The following SMYD3 variants were observed in gnomAD, a reference collection of about 807,000 sequenced individuals.
SMYD3 encodes histone-lysine N-methyltransferase SMYD3.
Under a neutral mutation model 57.7 loss-of-function variants are expected in SMYD3, and 36 were observed. That is an observed-to-expected ratio of 0.62 (90% CI 0.48 to 0.82). The LOEUF (loss-of-function observed/expected upper bound fraction) is 0.82, where lower values mean the gene tolerates loss of function less well. Ranked by LOEUF, SMYD3 falls within the 40% of genes least tolerant of loss-of-function variation. The probability of loss-of-function intolerance (pLI) is 0.00; values close to 1 mark genes in which losing one functional copy is unlikely to be tolerated. For synonymous variants in SMYD3, 211 were observed against 195.0 expected (o/e 1.08, Z -0.68); for missense variants, 515 against 538.8 (o/e 0.96, Z 0.44).
intron 8 of SMYD3, among the ~76,000 whole-genome samples, chr1:245,895,417 T>C (rs992419754): frequency 1.3e-5 from 2 of 152,176 alleles, no homozygotes; most frequent in South Asian, 4.1e-4. Flanking sequence ...ATTGTTAAAA[T>C]TGAGAACAAC....
At chr1:245,968,939 T>C (rs1421827687) in intron 5 of SMYD3, among the ~76,000 whole-genome samples, 2 of 152,182 alleles carry the variant, frequency 1.3e-5, no homozygotes, top group African/African-American at 4.8e-5. Flanking sequence ...CTTCCTATCA[T>C]TGATAATATT....
rs2052409487 is a variant in SMYD3 at position 245,874,932 on chromosome 1, CCA to C, written c.814-11048_814-11047del. ...AAAGTTTGGGAGGAGAGAGGGGTGA[CCA>C]GATTCCATGGTACAGCTCTTTTGTG... On this transcript the variant is annotated intron_variant, in intron 8 of 11. Coordinates refer to ENST00000490107, the MANE Select transcript of SMYD3 (RefSeq NM_001167740.2). Among the ~76,000 whole-genome samples, 3 of 152,136 alleles carry C rather than the reference CCA, an allele frequency of 2.0e-5. 1 individual carries two copies. Among genetic ancestry groups the C allele is most frequent in the African/African-American group, 7.2e-5 (3 of 41,434 alleles).
intron 1 of SMYD3, among the ~76,000 whole-genome samples, chr1:246,375,139 A>G (rs1010021624): frequency 6.6e-6 from 1 of 152,166 alleles, no homozygotes; most frequent in Non-Finnish European, 1.5e-5. Context: ...AGAAACACAT[A>G]ATAAAACAAG....
Position 246,174,493 on chromosome 1 carries a change from T to C in SMYD3, c.531+152708A>G, listed in dbSNP as rs996352608. Among the ~76,000 whole-genome samples the C allele has an allele frequency of 4.6e-5, 7 of 152,274 alleles. 1 individual carries two copies. The highest frequency in any genetic ancestry group is 7.2e-5 in the African/African-American group (3 of 41,562). ...ACCAGGTCTGGCCCTGTCGCCCAGGTTGGAGTGCAGTGGCACAATTAAAGC... is the reference window on the plus strand; with the variant it reads ...ACCAGGTCTGGCCCTGTCGCCCAGGCTGGAGTGCAGTGGCACAATTAAAGC... On this transcript the variant is annotated intron_variant, in intron 5 of 11. Coordinates refer to ENST00000490107, the MANE Select transcript of SMYD3 (RefSeq NM_001167740.2).
chr1:245,756,123 C>CAT (rs565119216), intron 11 of SMYD3, among the ~76,000 whole-genome samples: 1 of 148,204 alleles, frequency 6.7e-6, no homozygotes, highest in Non-Finnish European at 1.5e-5. Context: ...TATACACACA[C>CAT]ATATATATGT....
intron 8 of SMYD3, among the ~76,000 whole-genome samples, chr1:245,911,707 T>C (rs1305914599): frequency 3.3e-5 from 5 of 152,002 alleles, no homozygotes; most frequent in Admixed American, 3.3e-4. Flanking sequence ...AGATAGTGAA[T>C]ACAATAGTGG....
chr1:246,329,757 T>C (rs2065428251), intron 4 of SMYD3, among the ~76,000 whole-genome samples: 1 of 152,152 alleles, frequency 6.6e-6, no homozygotes, highest in African/African-American at 2.4e-5. Flanking sequence ...AATAATTTAT[T>C]ACCATGGGAA....
chr1:245,826,869 C>T (rs982295233), intron 10 of SMYD3, among the ~76,000 whole-genome samples: 1 of 152,154 alleles, frequency 6.6e-6, no homozygotes, highest in Non-Finnish European at 1.5e-5. Context: ...CACTCACTAT[C>T]ATGAGAAGAG....
chr1:245,943,172 C>CAAAA (rs61600738), intron 5 of SMYD3, among the ~76,000 whole-genome samples: 3 of 108,968 alleles, frequency 2.8e-5, no homozygotes, highest in African/African-American at 7.5e-5. Flanking sequence ...ACACACTTTC[C>CAAAA]AAAAAAAAAA....
intron 1 of SMYD3, among the ~76,000 whole-genome samples, chr1:246,371,850 G>T (rs1361730635): frequency 1.3e-5 from 2 of 151,856 alleles, no homozygotes; most frequent in African/African-American, 4.8e-5. Context: ...GGAGTCGTTT[G>T]TTCATTTAAG....
intron 8 of SMYD3, among the ~76,000 whole-genome samples, chr1:245,884,201 C>T (rs1345747851): frequency 6.6e-6 from 1 of 152,100 alleles, no homozygotes; most frequent in Non-Finnish European, 1.5e-5. Context: ...CTATTTCTCC[C>T]AATCTTAGTG....
At chr1:246,104,873 T>C (rs560031890) in intron 5 of SMYD3, among the ~76,000 whole-genome samples, 1 of 152,030 alleles carries the variant, frequency 6.6e-6, no homozygotes, top group Non-Finnish European at 1.5e-5. Context: ...TAGGCTACTG[T>C]CAAAGGAAAA....
chr1:246,441,802 A>G (rs982616314), intron 1 of SMYD3, among the ~76,000 whole-genome samples: 13 of 152,134 alleles, frequency 8.5e-5, no homozygotes, highest in Non-Finnish European at 1.9e-4. Context: ...AGTAGAGATG[A>G]GGTTTCACCA....
intron 7 of SMYD3, among the ~76,000 whole-genome samples, chr1:245,924,812 G>A (rs113374648): frequency 0.11 from 16,625 of 151,768 alleles, 1,189 homozygotes; most frequent in East Asian, 0.4. Context: ...ACAGGTGTGC[G>A]CCACCACACC....
intron 1 of SMYD3, among the ~76,000 whole-genome samples, chr1:246,486,939 T>C (rs1181787105): frequency 6.6e-6 from 1 of 152,066 alleles, no homozygotes; most frequent in African/African-American, 2.4e-5. Context: ...CATGGACATA[T>C]AAGGAAAGCA....
intron 5 of SMYD3, among the ~76,000 whole-genome samples, chr1:245,962,838 A>C (rs917844435): frequency 6.6e-6 from 1 of 152,070 alleles, no homozygotes; most frequent in African/African-American, 2.4e-5. Flanking sequence ...GGCAACAAAA[A>C]AGAAAAACCA....
At chr1:245,767,224 G>A (rs2046153808) in intron 10 of SMYD3, among the ~76,000 whole-genome samples, 1 of 149,552 alleles carries the variant, frequency 6.7e-6, no homozygotes, top group Non-Finnish European at 1.5e-5. Context: ...TAAAGACCGG[G>A]ATTAAGAGTC....
chr1:246,182,233 C>T (rs2062564746), intron 5 of SMYD3, among the ~76,000 whole-genome samples: 1 of 152,158 alleles, frequency 6.6e-6, no homozygotes, highest in African/African-American at 2.4e-5. Flanking sequence ...CACAAACACT[C>T]TTATCAGTTC....
rs147329574 is a variant in SMYD3, at chr1:245,804,364, C to T, written c.1077-40215G>A. Reference sequence around the variant, plus strand: ...TTGGGAGGCCAAGGCAGGCGGATCACGAAGTCAGGAGATCCAGACCATCCT... The same window carrying T: ...TTGGGAGGCCAAGGCAGGCGGATCATGAAGTCAGGAGATCCAGACCATCCT... On this transcript the variant is annotated intron_variant, in intron 10 of 11. Coordinates refer to ENST00000490107, the MANE Select transcript of SMYD3 (RefSeq NM_001167740.2). Among the ~76,000 whole-genome samples, 645 of 152,214 alleles carry T rather than the reference C, an allele frequency of 4.2e-3. 13 individuals carry two copies. The East Asian group carries it at 0.05, about 12-fold the overall frequency.
Sources: gnomAD v4.1 joint callset for allele counts (sites outside exome capture counted in the v4.1 genomes callset) on GRCh38, gnomAD v4.1.1 for gene constraint, MANE v1.5 for transcripts, NCBI Gene and HGNC (gene_info 2026-07-23, HGNC 2026-07-21) for gene names.